The following DSCAML1 variants were observed in gnomAD, a reference collection of about 807,000 sequenced individuals.
The protein encoded by DSCAML1 is cell adhesion molecule DSCAML1.
DSCAML1 carries 38 observed loss-of-function variants against 200.5 expected under a neutral mutation model. The ratio of observed to expected loss-of-function variants is 0.19; its 90% CI spans 0.15 to 0.25. The LOEUF (loss-of-function observed/expected upper bound fraction) is 0.25, where lower values mean the gene tolerates loss of function less well. Among genes scored for constraint, DSCAML1 ranks in the 10% least tolerant of loss-of-function variants. The probability of loss-of-function intolerance (pLI) is 1.00; values close to 1 mark genes in which losing one functional copy is unlikely to be tolerated. For missense variants in DSCAML1, 2,223 were observed against 2,858.8 expected, an observed-to-expected ratio of 0.78 and a Z score of 5.07; for synonymous variants, 1,215 against 1,165.0, an observed-to-expected ratio of 1.04 and a Z score of -0.87.
chr11:117,651,711 CAAAAAAAAAAAAAAAA>C (rs1193144259), intron 3 of DSCAML1, among the ~76,000 whole-genome samples: 4 of 31,106 alleles, frequency 1.3e-4, no homozygotes, highest in Admixed American at 4.0e-4. Flanking sequence ...GACTCTGTCT[CAAAAAAAAAAAAAAAA>C]AAAAAAAAAA....
chr11:117,529,064 G>A (rs887612784), intron 4 of DSCAML1, among the ~76,000 whole-genome samples: 3 of 151,110 alleles, frequency 2.0e-5, no homozygotes, highest in African/African-American at 7.4e-5. Flanking sequence ...TTTTATAGGC[G>A]GTATTTATTT....
intron 3 of DSCAML1, among the ~76,000 whole-genome samples, chr11:117,624,162 C>T (rs1211956857): frequency 6.6e-6 from 1 of 152,200 alleles, no homozygotes; most frequent in African/African-American, 2.4e-5. Flanking sequence ...AGCCAACTTG[C>T]AAAGCCACCC....
At chr11:117,662,619 T>C (rs2052879259) in intron 3 of DSCAML1, among the ~76,000 whole-genome samples, 1 of 152,196 alleles carries the variant, frequency 6.6e-6, no homozygotes, top group Admixed American at 6.5e-5. Flanking sequence ...CTGCACATAG[T>C]AGGTGCTTAG....
At chr11:117,599,235 G>T (rs1009420504) in intron 3 of DSCAML1, among the ~76,000 whole-genome samples, 1 of 152,148 alleles carries the variant, frequency 6.6e-6, no homozygotes, top group Non-Finnish European at 1.5e-5. Context: ...GCTACCAGGG[G>T]AATGTGCGGC....
chr11:117,605,133 A>G (rs1347667136), intron 3 of DSCAML1, among the ~76,000 whole-genome samples: 1 of 152,030 alleles, frequency 6.6e-6, no homozygotes, highest in Admixed American at 6.5e-5. Context: ...GGCTCACGCA[A>G]TCCTCCCACC....
chr11:117,653,667 G>A (rs541070328), intron 3 of DSCAML1, among the ~76,000 whole-genome samples: 4 of 152,196 alleles, frequency 2.6e-5, no homozygotes, highest in South Asian at 2.1e-4. Context: ...AAGGTTCAAC[G>A]TGGAATCACC....
At chr11:117,487,313 TTTA>T (rs2049094650) in intron 11 of DSCAML1, among the ~76,000 whole-genome samples, 1 of 151,908 alleles carries the variant, frequency 6.6e-6, no homozygotes, top group Non-Finnish European at 1.5e-5. Flanking sequence ...TCACCTGTTT[TTTA>T]TTTTTTTGAA....
rs182820194 is a variant in DSCAML1, at chr11:117,514,888, A to C, written c.1783+1579T>G. Among the ~76,000 whole-genome samples the C allele has an allele frequency of 1.3e-4, 20 of 152,298 alleles. No individual in the cohort carries two copies. In the East Asian group the frequency reaches 3.9e-3, roughly 29 times the overall value. ...TGGGCCACTGCACCCGGCCTTTCTT[A>C]ACTTTTCTATGCCTCCACTTTCTGC... is the stretch of plus-strand genomic sequence containing the variant. On this transcript the variant is annotated intron_variant, in intron 8 of 32. Transcript: ENST00000651296.
At chr11:117,766,106 C>T (rs1357111225) in intron 3 of DSCAML1, among the ~76,000 whole-genome samples, 1 of 152,236 alleles carries the variant, frequency 6.6e-6, no homozygotes, top group Non-Finnish European at 1.5e-5. Flanking sequence ...CTACTATGTG[C>T]TCATATGCAG....
At chr11:117,658,538 G>A (rs1218525570) in intron 3 of DSCAML1, among the ~76,000 whole-genome samples, 1 of 152,164 alleles carries the variant, frequency 6.6e-6, no homozygotes, top group Non-Finnish European at 1.5e-5. Context: ...TGACACGTCA[G>A]GGCATTATAT....
intron 6 of DSCAML1, 123 bp downstream of exon 6, chr11:117,521,007 C>A (rs2049875988): frequency 1.5e-6 from 2 of 1,313,012 alleles, no homozygotes; most frequent in East Asian, 4.7e-5. Context: ...AGATGGTGCA[C>A]CGGCCTGGTG....
intron 3 of DSCAML1, among the ~76,000 whole-genome samples, chr11:117,549,639 C>T (rs922408688): frequency 7.2e-5 from 11 of 152,182 alleles, no homozygotes; most frequent in African/African-American, 2.7e-4. Flanking sequence ...CGATTGCTCT[C>T]ATGATTATGA....
At chr11:117,683,985 C>T (rs1366728499) in intron 3 of DSCAML1, among the ~76,000 whole-genome samples, 1 of 152,190 alleles carries the variant, frequency 6.6e-6, no homozygotes, top group Non-Finnish European at 1.5e-5. Flanking sequence ...GTGCTGTTGT[C>T]ATCCTCAAGC....
At chr11:117,513,547 C>T (rs1423207341) in intron 8 of DSCAML1, among the ~76,000 whole-genome samples, 1 of 152,068 alleles carries the variant, frequency 6.6e-6, no homozygotes, top group Non-Finnish European at 1.5e-5. Context: ...CCGAGACCAG[C>T]CTGACCAATA....
At chr11:117,794,486 T>C (rs1050278714) in intron 1 of DSCAML1, among the ~76,000 whole-genome samples, 1 of 152,026 alleles carries the variant, frequency 6.6e-6, no homozygotes, top group Non-Finnish European at 1.5e-5. Flanking sequence ...TAACAGAAGC[T>C]TAAAACACAT....
intron 3 of DSCAML1, among the ~76,000 whole-genome samples, chr11:117,685,767 G>A (rs551501885): frequency 2.3e-4 from 35 of 152,218 alleles, no homozygotes; most frequent in South Asian, 1.2e-3. Flanking sequence ...CAGGGGTGTG[G>A]CTAGGTAAGC....
At chr11:117,595,554 T>A (rs2051348365) in intron 3 of DSCAML1, among the ~76,000 whole-genome samples, 1 of 152,164 alleles carries the variant, frequency 6.6e-6, no homozygotes, top group African/African-American at 2.4e-5. Flanking sequence ...CCTCTGTGGA[T>A]AGGCTGTGAT....
At chr11:117,795,153 G>T (rs1357879653) in intron 1 of DSCAML1, among the ~76,000 whole-genome samples, 1 of 152,142 alleles carries the variant, frequency 6.6e-6, no homozygotes, top group Non-Finnish European at 1.5e-5. Context: ...TCAGGTATTT[G>T]CTGAGGGGCC....
At chr11:117,458,156 ATCCCAGCC>A (rs1206632203) in intron 19 of DSCAML1, among the ~76,000 whole-genome samples, 1 of 152,046 alleles carries the variant, frequency 6.6e-6, no homozygotes, top group African/African-American at 2.4e-5. Flanking sequence ...GGCTGACTTC[ATCCCAGCC>A]TCCCCTTTTC....
Sources: gnomAD v4.1 joint callset for allele counts (sites outside exome capture counted in the v4.1 genomes callset) on GRCh38, gnomAD v4.1.1 for gene constraint, MANE v1.5 for transcripts, NCBI Gene and HGNC (gene_info 2026-07-23, HGNC 2026-07-21) for gene names.